The following PGM5 variants were observed in gnomAD, a reference collection of about 807,000 sequenced individuals.
PGM5 encodes phosphoglucomutase 5, also known as phosphoglucomutase-like protein 5.
PGM5 carries 23 observed loss-of-function variants against 59.2 expected under a neutral mutation model. The ratio of observed to expected loss-of-function variants is 0.39; its 90% CI spans 0.28 to 0.55. PGM5 has a LOEUF of 0.55. Among genes scored for constraint, PGM5 ranks in the 20% least tolerant of loss-of-function variants. The pLI is 0.66. For synonymous variants in PGM5, 214 were observed against 286.0 expected (o/e 0.75, Z 2.54); for missense variants, 574 against 748.3 (o/e 0.77, Z 2.72).
intron 9 of PGM5, among the ~76,000 whole-genome samples, chr9:68,490,077 T>G (rs1428945287): frequency 1.3e-5 from 2 of 152,246 alleles, no homozygotes; most frequent in African/African-American, 4.8e-5. Context: ...GTGTCTGCTC[T>G]TTTTAATTTC....
At chr9:68,401,565 C>T (rs1267713678) in intron 6 of PGM5, among the ~76,000 whole-genome samples, 1 of 151,668 alleles carries the variant, frequency 6.6e-6, no homozygotes, top group Non-Finnish European at 1.5e-5. Flanking sequence ...ATCGCCCTGT[C>T]TGATTAGGGA....
At chr9:68,479,203 T>C (rs950911640) in intron 7 of PGM5, among the ~76,000 whole-genome samples, 1 of 152,208 alleles carries the variant, frequency 6.6e-6, no homozygotes, top group African/African-American at 2.4e-5. Flanking sequence ...CCTTCAGAAA[T>C]TTCCAAGTTT....
At chr9:68,388,506 CTT>C (rs1822285286) in intron 4 of PGM5, among the ~76,000 whole-genome samples, 1 of 151,850 alleles carries the variant, frequency 6.6e-6, no homozygotes, top group Non-Finnish European at 1.5e-5. Context: ...TTACACATCT[CTT>C]ATGTTAAATG....
At chr9:68,440,399 T>C (rs1357589237) in intron 6 of PGM5, among the ~76,000 whole-genome samples, 4 of 152,142 alleles carry the variant, frequency 2.6e-5, no homozygotes, top group Admixed American at 6.5e-5. Flanking sequence ...CTGACCATAA[T>C]AGAATTAGAC....
At chr9:68,446,733 T>C (rs957500964) in intron 6 of PGM5, among the ~76,000 whole-genome samples, 1 of 152,222 alleles carries the variant, frequency 6.6e-6, no homozygotes, top group Non-Finnish European at 1.5e-5. Context: ...AATGTTGACA[T>C]TCGAGAGAGG....
intron 9 of PGM5, among the ~76,000 whole-genome samples, chr9:68,486,392 C>T (rs1824296463): frequency 6.6e-6 from 1 of 152,036 alleles, no homozygotes; most frequent in African/African-American, 2.4e-5. Flanking sequence ...CTTTCATCAC[C>T]CCAGAAAAGA....
At chr9:68,402,769 T>G (rs570506196) in intron 6 of PGM5, among the ~76,000 whole-genome samples, 19 of 152,304 alleles carry the variant, frequency 1.2e-4, no homozygotes, top group African/African-American at 4.6e-4. Flanking sequence ...TAAGTCATCT[T>G]AGGCCTGAAG....
At chr9:68,377,502 G>A (rs1410505596) in intron 1 of PGM5, among the ~76,000 whole-genome samples, 3 of 152,158 alleles carry the variant, frequency 2.0e-5, no homozygotes, top group Non-Finnish European at 4.4e-5. Context: ...TTTAAAACAA[G>A]GTGTAGCAAT....
chr9:68,394,814 A>G (rs189656259), intron 6 of PGM5, among the ~76,000 whole-genome samples: 184 of 152,086 alleles, frequency 1.2e-3, no homozygotes, highest in African/African-American at 3.5e-3. Flanking sequence ...TAGAAATGAG[A>G]TCTTGCTATG....
chr9:68,485,395 C>G (rs1457570538), intron 9 of PGM5, among the ~76,000 whole-genome samples: 4 of 152,062 alleles, frequency 2.6e-5, no homozygotes, highest in African/African-American at 9.7e-5. Context: ...TGGGAGGGAC[C>G]AGGTGGGAGG....
intron 7 of PGM5, among the ~76,000 whole-genome samples, chr9:68,476,662 A>C (rs1223868393): frequency 6.6e-6 from 1 of 152,238 alleles, no homozygotes; most frequent in Non-Finnish European, 1.5e-5. Context: ...AACTCAAAGA[A>C]CTATAAAGGG....
At chr9:68,466,685 C>A (rs1823940347) in intron 7 of PGM5, 1 of 152,884 alleles carries the variant, frequency 6.5e-6, no homozygotes. Flanking sequence ...CTGTTTTAAC[C>A]TTCAGTGTAC....
At chr9:68,396,548 A>G (rs1374277360) in intron 6 of PGM5, 1 of 152,250 alleles carries the variant, frequency 6.6e-6, no homozygotes, top group Admixed American at 6.5e-5. Context: ...GTCAGAAACC[A>G]GAGGCCTTGC....
intron 6 of PGM5, chr9:68,399,095 T>C (rs1822597242): frequency 6.6e-6 from 1 of 152,202 alleles, no homozygotes; most frequent in Non-Finnish European, 1.5e-5. Context: ...TTTTTTCCAC[T>C]AAAGACCACA....
chr9:68,483,725 T>C (rs1381376802), intron 8 of PGM5, 140 bp from the exon 9 acceptor site: 3 of 682,086 alleles, frequency 4.4e-6, no homozygotes, highest in Admixed American at 2.7e-5. Flanking sequence ...AAGGGTCAGA[T>C]GAAAGAGGGG....
rs1256922534 is a variant in PGM5, at chr9:68,456,618, C to CTT, written c.1044-8456_1044-8455dup. Among the ~76,000 whole-genome samples, 935 of 122,318 alleles carry CTT rather than the reference C, an allele frequency of 7.6e-3. 12 individuals are homozygous for CTT. Among genetic ancestry groups the CTT allele is most frequent in the African/African-American group, 0.028 (894 of 32,320 alleles). The allele number at this position is 122,318 out of a possible 152,430, so 80.2% of individuals were successfully genotyped here. A position where few individuals can be genotyped will look rare whatever the true frequency, so the allele number is the denominator to read the frequency against. On this transcript the variant is annotated intron_variant, in intron 6 of 10. Transcript: ENST00000396396. ...ACATGCAAGAGCACTGTGCCCTGTC[C>CTT]TTTTTTTTTTTTTTTTTTTTCCTTG...
At chr9:68,525,157 A>G in intron 10 of PGM5, among the ~76,000 whole-genome samples, 1 of 150,242 alleles carries the variant, frequency 6.7e-6, no homozygotes, top group South Asian at 2.1e-4. Context: ...AGTGATTTCT[A>G]AAGAAAAACA....
At chr9:68,378,583 T>G (rs1554678050) in intron 2 of PGM5, among the ~76,000 whole-genome samples, 1 of 152,048 alleles carries the variant, frequency 6.6e-6, no homozygotes, top group Non-Finnish European at 1.5e-5. Flanking sequence ...CATAAACTAT[T>G]GAATAGTTGA....
At chr9:68,515,934 A>C (rs1341062638) in intron 10 of PGM5, among the ~76,000 whole-genome samples, 1 of 152,222 alleles carries the variant, frequency 6.6e-6, no homozygotes, top group Non-Finnish European at 1.5e-5. Context: ...GGTAATAATA[A>C]TAATAACAAT....
Sources: allele counts gnomAD v4.1 joint callset (sites outside exome capture counted in the v4.1 genomes callset), GRCh38; gene constraint gnomAD v4.1.1; transcripts MANE v1.5; gene names NCBI Gene and HGNC (gene_info 2026-07-23, HGNC 2026-07-21).